Variants in GREB1 observed in about 807,000 individuals in gnomAD.
The protein encoded by GREB1 is protein GREB1.
GREB1 carries 106 observed loss-of-function variants against 200.7 expected under a neutral mutation model. That is an observed-to-expected ratio of 0.53 (90% confidence interval 0.45 to 0.62). The LOEUF (loss-of-function observed/expected upper bound fraction) is 0.62. Ranked by LOEUF, GREB1 falls within the 20% of genes least tolerant of loss-of-function variation. The probability of loss-of-function intolerance (pLI) is 0.00; values close to 1 mark genes in which losing one functional copy is unlikely to be tolerated. For synonymous variants in GREB1, 1,132 were observed against 1,092.4 expected, an observed-to-expected ratio of 1.04 and a Z score of -0.72; for missense variants, 2,243 against 2,556.8, an observed-to-expected ratio of 0.88 and a Z score of 2.65.
chr2:11,587,087 ATC>A (rs887602954), intron 9 of GREB1, among the ~76,000 whole-genome samples: 1 of 152,122 alleles, frequency 6.6e-6, no homozygotes, highest in African/African-American at 2.4e-5. Context: ...CACACGAGCA[ATC>A]TCAGAATAGA....
intron 17 of GREB1, among the ~76,000 whole-genome samples, chr2:11,608,845 T>C (rs1269668382): frequency 6.6e-6 from 1 of 152,224 alleles, no homozygotes; most frequent in African/African-American, 2.4e-5. Flanking sequence ...CTGAAGACTT[T>C]AGGGAGACCC....
intron 23 of GREB1, among the ~76,000 whole-genome samples, chr2:11,623,788 C>G (rs1328815940): frequency 6.6e-6 from 1 of 152,076 alleles, no homozygotes; most frequent in Non-Finnish European, 1.5e-5. Context: ...CTACTCCAGC[C>G]TGAGGCAGGA....
rs886793775 is a variant in GREB1 at position 11,640,129 on chromosome 2, G to A, written c.5687-162G>A. Among the ~76,000 whole-genome samples, 1 of 152,180 alleles carries A rather than the reference G, an allele frequency of 6.6e-6. No individual in the cohort carries two copies. Among genetic ancestry groups the A allele is most frequent in the African/African-American group, 2.4e-5 (1 of 41,436 alleles). On this transcript the variant is annotated intron_variant, in intron 32 of 32. Transcript: ENST00000381486. The surrounding 1 kb of genome is among the most constrained non-coding windows in gnomAD (Gnocchi z 4.6). ...CCCAGCCACACTCCTGTCTCGCTAAGATTGTACATCATCCCGAAAGAAGCA... is the reference window on the plus strand; with the variant it reads ...CCCAGCCACACTCCTGTCTCGCTAAAATTGTACATCATCCCGAAAGAAGCA...
chr2:11,508,062 T>C (rs1673232741), intron 1 of GREB1, among the ~76,000 whole-genome samples: 1 of 152,222 alleles, frequency 6.6e-6, no homozygotes, highest in South Asian at 2.1e-4. Flanking sequence ...TCTAGACAGC[T>C]TCTAGTCCAT....
At chr2:11,505,056 T>C (rs541873347) in intron 1 of GREB1, among the ~76,000 whole-genome samples, 2,164 of 152,294 alleles carry the variant, frequency 0.014, 55 homozygotes, top group African/African-American at 0.05. Context: ...CTCAGCCTCC[T>C]AAGTAGTTGG....
Position 11,556,502 on chromosome 2 carries a change from G to A in GREB1, c.-113G>A, listed in dbSNP as rs1676447924. 3.7e-6 allele frequency: 3 copies of A among 813,180 alleles called. No homozygotes were observed. Among genetic ancestry groups the A allele is most frequent in the Non-Finnish European group, 3.9e-6 (2 of 513,322 alleles). The allele number at this position is 813,180 out of a possible 1,614,324, so 50.4% of individuals were successfully genotyped here. A position where few individuals can be genotyped will look rare whatever the true frequency, so the allele number is the denominator to read the frequency against. ...CCTTTCTTCGTCTCTGCTGAGCGAA[G>A]GCTACACGGCCCTTCCTCCTTGCAG... On this transcript the variant is annotated 5_prime_UTR_variant, in exon 2 of 33. Coordinates refer to ENST00000381486, the MANE Select transcript of GREB1 (RefSeq NM_014668.4).
At chr2:11,500,464 T>A (rs1257748148) in intron 1 of GREB1, among the ~76,000 whole-genome samples, 1 of 151,326 alleles carries the variant, frequency 6.6e-6, no homozygotes, top group Non-Finnish European at 1.5e-5. Context: ...TGGCCATTTT[T>A]TTTTTTTTTT....
Position 11,508,873 on chromosome 2 carries a change from CTT to C in GREB1, c.-159+26509_-159+26510del, listed in dbSNP as rs1344798242. On this transcript the variant is annotated intron_variant, in intron 1 of 2. Transcript: ENST00000628795. ...GGTGAATCCAAATTTTTCTTTCTCTCTTTTTTTTTTTTTTTTTTCGGGACAGA... is the reference window on the plus strand; with the variant it reads ...GGTGAATCCAAATTTTTCTTTCTCTCTTTTTTTTTTTTTTTTCGGGACAGA... 5.3e-3 allele frequency among the ~76,000 whole-genome samples: 737 copies of C among 139,558 alleles called. 8 individuals carry two copies. Among genetic ancestry groups the C allele is most frequent in the African/African-American group, 0.02 (710 of 36,362 alleles). The allele number at this position is 139,558 out of a possible 152,430, so 91.6% of individuals were successfully genotyped here.
At chr2:11,638,011 A>G (rs1685519532) in intron 31 of GREB1, 95 bp downstream of exon 31, 1 of 1,061,772 alleles carries the variant, frequency 9.4e-7, no homozygotes. Flanking sequence ...TAAGTCCTCA[A>G]CTCCTTCGTC....
Position 11,633,742 on chromosome 2 carries a change from C to G in GREB1, c.4992-389C>G, listed in dbSNP as rs528150339. 4.6e-5 allele frequency among the ~76,000 whole-genome samples: 7 copies of G among 152,272 alleles called. No homozygotes were observed. The East Asian group carries it at 9.7e-4, about 21-fold the overall frequency. ...TAAGAAAGGGACATTGCTGCCCCCC[C>G]AGAAACTCCCTTCCTGCTGCCCCAG... is the stretch of plus-strand genomic sequence containing the variant. On this transcript the variant is annotated intron_variant, in intron 28 of 32. Transcript: ENST00000381486. This position sits in a 1 kb window ranked among gnomAD's most constrained non-coding sequence, Gnocchi z 4.1.
intron 31 of GREB1, 92 bp downstream of exon 31, chr2:11,638,008 T>G: frequency 1.8e-6 from 2 of 1,097,612 alleles, no homozygotes; most frequent in Non-Finnish European, 2.7e-6. Context: ...TCCTAAGTCC[T>G]CAACTCCTTC....
chr2:11,534,431 C>T (rs934525059), intron 1 of GREB1, among the ~76,000 whole-genome samples, 177 bp downstream of exon 1: 1 of 152,160 alleles, frequency 6.6e-6, no homozygotes, highest in African/African-American at 2.4e-5. Flanking sequence ...TCAATCTGTC[C>T]GTACAAATTT....
intron 22 of GREB1, among the ~76,000 whole-genome samples, chr2:11,619,511 C>T (rs1489347876): frequency 6.6e-6 from 1 of 152,168 alleles, no homozygotes; most frequent in African/African-American, 2.4e-5. Context: ...AACAATATTA[C>T]TTTTTCTGAT....
chr2:11,587,694 AACACACACACACACACACAC>A (rs377181735), intron 9 of GREB1: 40 of 707,176 alleles, frequency 5.7e-5, no homozygotes, highest in East Asian at 4.3e-4. Context: ...AGTACAAGAT[AACACACACACACACACACAC>A]ACACACACAC....
chr2:11,564,415 C>G (rs1677410431), intron 3 of GREB1, among the ~76,000 whole-genome samples: 1 of 152,126 alleles, frequency 6.6e-6, no homozygotes, highest in African/African-American at 2.4e-5. Context: ...CATGGTGGCA[C>G]AAGTAGTCAA....
intron 1 of GREB1, among the ~76,000 whole-genome samples, chr2:11,494,920 G>A (rs895916329): frequency 4.6e-5 from 7 of 152,198 alleles, no homozygotes. Flanking sequence ...CCCATGACCT[G>A]TCTTTGGGGC....
chr2:11,639,881 C>T (rs973475966), intron 32 of GREB1, among the ~76,000 whole-genome samples: 3 of 151,506 alleles, frequency 2.0e-5, no homozygotes, highest in East Asian at 1.9e-4. Context: ...GTGGCTGGCA[C>T]GTGGGACAGT....
intron 4 of GREB1, among the ~76,000 whole-genome samples, chr2:11,574,887 A>G (rs1220296636): frequency 6.6e-6 from 1 of 152,258 alleles, no homozygotes; most frequent in African/African-American, 2.4e-5. Context: ...GTGCTGGCAC[A>G]GAGGGAATAG....
intron 1 of GREB1, among the ~76,000 whole-genome samples, chr2:11,495,752 C>T (rs540486716): frequency 6.6e-6 from 1 of 151,576 alleles, no homozygotes; most frequent in African/African-American, 2.4e-5. Context: ...GCCTAGCCTC[C>T]GCCTATACTA....
Sources: gnomAD v4.1 joint callset for allele counts (sites outside exome capture counted in the v4.1 genomes callset) on GRCh38, gnomAD v4.1.1 for gene constraint, Gnocchi (gnomAD v3.1) non-coding constraint, MANE v1.5 for transcripts, NCBI Gene and HGNC (gene_info 2026-07-23, HGNC 2026-07-21) for gene names.